ZNF317: variants seen among roughly 807,000 people sequenced by gnomAD.
ZNF317 encodes the protein KRAB-containing zinc finger protein 317.
Under a neutral mutation model 23.4 loss-of-function variants are expected in ZNF317, and 17 were observed. That is an observed-to-expected ratio of 0.73 (90% confidence interval 0.50 to 1.09). The LOEUF (loss-of-function observed/expected upper bound fraction) is 1.09, where lower values mean the gene tolerates loss of function less well. Among genes scored for constraint, ZNF317 ranks in the 50% least tolerant of loss-of-function variants. The pLI, the probability that ZNF317 is intolerant of heterozygous loss-of-function variation, is 0.00. For missense variants in ZNF317, 679 were observed against 796.7 expected (o/e 0.85, Z 1.78); for synonymous variants, 317 against 314.9 (o/e 1.01, Z -0.07).
In ZNF317 at chr19:9,161,621, C is replaced by T. The variant is rs539347937; in HGVS notation, c.*188C>T. 9 of 772,092 alleles carry T rather than the reference C, an allele frequency of 1.2e-5. No individual in the cohort carries two copies. The highest frequency in any genetic ancestry group is 9.1e-5 in the Admixed American group (3 of 33,100). 47.8% of individuals were successfully genotyped at this position (772,092 alleles called of 1,614,324 possible). On this transcript the variant is annotated 3_prime_UTR_variant, in exon 7 of 7. Coordinates refer to ENST00000247956, the MANE Select transcript of ZNF317 (RefSeq NM_020933.5). The surrounding 1 kb of genome is among the most constrained non-coding windows in gnomAD (Gnocchi z 4.0). ...CCCATAGGAGGTTTGTGAGAACTCA[C>T]GCCGGGGGTGAAAATGTACGTCTGT...
At chr19:9,147,093 C>T (rs2050690273) in intron 1 of ZNF317, among the ~76,000 whole-genome samples, 1 of 152,142 alleles carries the variant, frequency 6.6e-6, no homozygotes, top group Admixed American at 6.5e-5. Flanking sequence ...AGAAGTGCTT[C>T]CTTAAATACC....
rs1488112680 is a variant in ZNF317 at position 9,162,591 on chromosome 19, A to T, written c.*1158A>T. On this transcript the variant is annotated 3_prime_UTR_variant, in exon 7 of 7. Transcript: ENST00000247956. ...ACCCCCCGAGAGAAGCCCCAACGAG[A>T]TTTTCCGGTGAATACGGGACTGCAC... 2 of 149,840 alleles carry T rather than the reference A, an allele frequency of 1.3e-5. No individual in the cohort carries two copies. Among genetic ancestry groups the T allele is most frequent in the African/African-American group, 4.9e-5 (2 of 40,488 alleles). The allele number at this position is 149,840 out of a possible 1,614,324, so 9.3% of individuals were successfully genotyped here. A position where few individuals can be genotyped will look rare whatever the true frequency, so the allele number is the denominator to read the frequency against.
intron 1 of ZNF317, among the ~76,000 whole-genome samples, chr19:9,144,137 G>T (rs1382836736): frequency 6.6e-6 from 1 of 151,850 alleles, no homozygotes; most frequent in Non-Finnish European, 1.5e-5. Flanking sequence ...CAAGTAGCTG[G>T]AAGTACAGGC....
intron 1 of ZNF317, among the ~76,000 whole-genome samples, chr19:9,143,745 CTT>C (rs1555712874): frequency 2.1e-5 from 3 of 144,084 alleles, no homozygotes. Flanking sequence ...TCTGTCCCCC[CTT>C]TTTTTTTTTT....
At chr19:9,146,008 G>T (rs924906099) in intron 1 of ZNF317, among the ~76,000 whole-genome samples, 13 of 150,524 alleles carry the variant, frequency 8.6e-5, no homozygotes, top group Middle Eastern at 3.5e-3. Flanking sequence ...ATTATTATTG[G>T]CTGTGTATAA....
Position 9,160,787 on chromosome 19 carries a change from A to G in ZNF317, c.1142A>G (p.Lys381Arg), listed in dbSNP as rs763282211. The change falls in exon 7 of 7, where the codon AAG becomes AGG. Residue 381 changes from lysine (K) to arginine (R), a missense_variant. Coordinates refer to ENST00000247956, the MANE Select transcript of ZNF317 (RefSeq NM_020933.5). The surrounding 1 kb of genome is among the most constrained non-coding windows in gnomAD (Gnocchi z 6.8). Reference protein sequence around the residue: ...FRWKSNFNLHKKNHMVEKTYE... With the variant: ...FRWKSNFNLHRKNHMVEKTYE... ...TGGAAGTCCAACTTTAATTTGCACA[A>G]GAAGAACCACATGGTGGAGAAGACC... The G allele has an allele frequency of 5.6e-6, 9 of 1,613,818 alleles. No homozygotes were observed. The highest frequency in any genetic ancestry group is 7.6e-6 in the Non-Finnish European group (9 of 1,179,984).
At chr19:9,150,317 T>G (rs2050725269) in intron 1 of ZNF317, among the ~76,000 whole-genome samples, 1 of 152,208 alleles carries the variant, frequency 6.6e-6, no homozygotes, top group Admixed American at 6.5e-5. Flanking sequence ...AGAGTGAATG[T>G]TTGTTTACTG....
At chr19:9,152,904 C>T (rs749786772) in intron 1 of ZNF317, among the ~76,000 whole-genome samples, 2 of 152,168 alleles carry the variant, frequency 1.3e-5, no homozygotes, top group African/African-American at 2.4e-5. Flanking sequence ...TCATGGCATT[C>T]TCTTACAGCC....
intron 1 of ZNF317, among the ~76,000 whole-genome samples, chr19:9,142,686 T>C (rs2050644635): frequency 6.6e-6 from 1 of 152,166 alleles, no homozygotes; most frequent in Admixed American, 6.5e-5. Flanking sequence ...TACTGCTGTG[T>C]AACAAATTAA....
Position 9,160,517 on chromosome 19 carries a change from C to G in ZNF317, c.872C>G (p.Ser291Trp), listed in dbSNP as rs769187165. ...SQCGNAFRTLSALKIHMRVHT... is the reference protein window; with the variant it reads ...SQCGNAFRTLWALKIHMRVHT... Reference sequence around the variant, plus strand: ...TGTGGAAATGCATTCCGGACCCTCTCGGCCCTGAAAATCCACATGCGAGTT... The same window carrying G: ...TGTGGAAATGCATTCCGGACCCTCTGGGCCCTGAAAATCCACATGCGAGTT... Residue 291 changes from serine (S) to tryptophan (W), a missense_variant, in exon 7 of 7, where the codon TCG becomes TGG. Transcript: ENST00000247956. The surrounding 1 kb of genome is among the most constrained non-coding windows in gnomAD (Gnocchi z 6.8). 6.2e-7 allele frequency: 1 copy of G among 1,614,074 alleles called. No individual in the cohort carries two copies. Among genetic ancestry groups the G allele is most frequent in the Non-Finnish European group, 8.5e-7 (1 of 1,180,052 alleles).
intron 1 of ZNF317, among the ~76,000 whole-genome samples, chr19:9,151,466 A>T (rs990856937): frequency 1.3e-5 from 2 of 152,116 alleles, no homozygotes; most frequent in Admixed American, 6.5e-5. Context: ...TTGATTATTG[A>T]TCTGAGTCAG....
intron 1 of ZNF317, among the ~76,000 whole-genome samples, chr19:9,149,634 C>T (rs564371479): frequency 3.9e-5 from 6 of 151,950 alleles, no homozygotes; most frequent in African/African-American, 1.4e-4. Context: ...GCATGGCTGG[C>T]GGGGCCTGAT....
intron 1 of ZNF317, among the ~76,000 whole-genome samples, chr19:9,153,826 G>A (rs1450176346): frequency 1.3e-5 from 2 of 152,180 alleles, no homozygotes; most frequent in East Asian, 3.9e-4. Flanking sequence ...ACTGACACGG[G>A]AGTAAATTGT....
chr19:9,145,982 A>G (rs1568310873), intron 1 of ZNF317, among the ~76,000 whole-genome samples: 1 of 151,546 alleles, frequency 6.6e-6, no homozygotes, highest in African/African-American at 2.4e-5. Context: ...TTAAGAAACA[A>G]ATTATTATTA....
At chr19:9,145,676 G>A (rs571138910) in intron 1 of ZNF317, among the ~76,000 whole-genome samples, 4 of 152,232 alleles carry the variant, frequency 2.6e-5, no homozygotes, top group African/African-American at 9.6e-5. Context: ...TGCAGTGATT[G>A]CCTAGGCTCC....
chr19:9,157,503 C>T (rs2050797028), intron 4 of ZNF317, 109 bp downstream of exon 4: 1 of 1,418,774 alleles, frequency 7.0e-7, no homozygotes. Flanking sequence ...CAGCTGTGAA[C>T]AAGCAGCCCC....
At chr19:9,158,503 C>A (rs1465915797) in intron 5 of ZNF317, among the ~76,000 whole-genome samples, 1 of 150,316 alleles carries the variant, frequency 6.7e-6, no homozygotes, top group Non-Finnish European at 1.5e-5. Flanking sequence ...CCATGCCTAC[C>A]TAATTTTAGT....
At chr19:9,143,979 TC>T (rs2050659617) in intron 1 of ZNF317, among the ~76,000 whole-genome samples, 1 of 140,832 alleles carries the variant, frequency 7.1e-6, no homozygotes, top group African/African-American at 2.8e-5. Flanking sequence ...CTTATTGTAC[TC>T]TTTTTTCTTT....
chr19:9,143,036 T>C (rs1179263929), intron 1 of ZNF317, among the ~76,000 whole-genome samples: 1 of 152,198 alleles, frequency 6.6e-6, no homozygotes, highest in Admixed American at 6.5e-5. Flanking sequence ...GAGTTTTCTT[T>C]GTGGAAAGTT....
Sources: allele counts gnomAD v4.1 joint callset (sites outside exome capture counted in the v4.1 genomes callset), GRCh38; gene constraint gnomAD v4.1.1; non-coding constraint Gnocchi (gnomAD v3.1); transcripts MANE v1.5; gene names NCBI Gene and HGNC (gene_info 2026-07-23, HGNC 2026-07-21).